HNF1B: variants seen among roughly 807,000 people sequenced by gnomAD.
The protein encoded by HNF1B is HNF1 homeobox B.
In HNF1B, 8 loss-of-function variants were observed where a neutral mutation model predicts 61.7. The observed-to-expected ratio is 0.13, with a 90% CI of 0.08 to 0.23. HNF1B has a LOEUF of 0.23. Ranked by LOEUF, HNF1B falls within the 10% of genes least tolerant of loss-of-function variation. HNF1B has a pLI of 1.00. For synonymous variants in HNF1B, 314 were observed against 287.7 expected (o/e 1.09, Z -0.93); for missense variants, 562 against 714.5 (o/e 0.79, Z 2.43).
At chr17:37,742,765 T>C (rs2034034293) in intron 1 of HNF1B, among the ~76,000 whole-genome samples, 1 of 150,958 alleles carries the variant, frequency 6.6e-6, no homozygotes, top group African/African-American at 2.4e-5. Context: ...GGCCTGCGGG[T>C]GTCGGCGACC....
At chr17:37,724,926 G>C (rs939219457) in intron 4 of HNF1B, among the ~76,000 whole-genome samples, 1 of 138,298 alleles carries the variant, frequency 7.2e-6, no homozygotes, top group Admixed American at 7.1e-5. Context: ...GTGTGTGTGT[G>C]TGTGTGTGTG....
chr17:37,710,105 AG>A (rs1273644207), intron 5 of HNF1B, among the ~76,000 whole-genome samples: 1 of 152,182 alleles, frequency 6.6e-6, no homozygotes, highest in Non-Finnish European at 1.5e-5. Context: ...AAGGAGGAAG[AG>A]GGGGCTTGTG....
intron 4 of HNF1B, among the ~76,000 whole-genome samples, chr17:37,711,912 A>G (rs1236387821): frequency 6.6e-6 from 1 of 152,070 alleles, no homozygotes; most frequent in Non-Finnish European, 1.5e-5. Context: ...CTTCCAGAGG[A>G]GACCACAAAG....
chr17:37,728,132 G>A (rs942958194), intron 4 of HNF1B, among the ~76,000 whole-genome samples: 2 of 151,966 alleles, frequency 1.3e-5, no homozygotes, highest in Non-Finnish European at 2.9e-5. Context: ...CTCCGGAGTC[G>A]CTGGGATTAC....
intron 7 of HNF1B, 149 bp from the exon 8 acceptor site, chr17:37,699,343 T>A: frequency 2.8e-6 from 2 of 720,388 alleles, no homozygotes; most frequent in South Asian, 3.1e-5. Flanking sequence ...TAGTTATCCA[T>A]AAGATTCATG....
chr17:37,739,331 G>T, intron 2 of HNF1B, 109 bp downstream of exon 2: 2 of 1,009,488 alleles, frequency 2.0e-6, no homozygotes, highest in Non-Finnish European at 3.2e-6. Context: ...CCTCATATCT[G>T]CCAAGTGCTC....
intron 4 of HNF1B, among the ~76,000 whole-genome samples, chr17:37,727,249 T>C (rs1463406361): frequency 6.6e-6 from 1 of 152,150 alleles, no homozygotes; most frequent in Admixed American, 6.5e-5. Flanking sequence ...ACTCCAGACC[T>C]GCTCAATGGC....
At chr17:37,726,991 G>C (rs891650664) in intron 4 of HNF1B, among the ~76,000 whole-genome samples, 1 of 152,152 alleles carries the variant, frequency 6.6e-6, no homozygotes, top group African/African-American at 2.4e-5. Flanking sequence ...TAGTGGCCAG[G>C]TGAGCTTGCT....
rs114681034 is a variant in HNF1B, at chr17:37,735,564, G to C, written c.545-1743C>G. Among the ~76,000 whole-genome samples, 430 of 152,318 alleles carry C rather than the reference G, an allele frequency of 2.8e-3. 3 individuals are homozygous for C. Among genetic ancestry groups the C allele is most frequent in the African/African-American group, 9.5e-3 (393 of 41,564 alleles). ...CAACAATGCCACTATAGACCTGAGA[G>C]AGTCCCTGTCAAATGTACTAGCAGG... is the stretch of plus-strand genomic sequence containing the variant. On this transcript the variant is annotated intron_variant, in intron 2 of 8. Transcript: ENST00000617811.
chr17:37,694,677 G>A (rs997206161), intron 8 of HNF1B, among the ~76,000 whole-genome samples: 1 of 152,086 alleles, frequency 6.6e-6, no homozygotes, highest in African/African-American at 2.4e-5. Flanking sequence ...TTGGGAACTA[G>A]AGCAAAGGTC....
Position 37,705,005 on chromosome 17 carries a change from C to T in HNF1B, c.1251G>A (p.Thr417=), listed in dbSNP as rs879006831. The T allele has an allele frequency of 6.2e-6, 10 of 1,613,840 alleles. No individual in the cohort carries two copies. Among genetic ancestry groups the T allele is most frequent in the Admixed American group, 3.3e-5 (2 of 59,988 alleles). ...TATGGTGGGAGAGGCTGTGGATATT[C>T]GTCAAGGTGCTGACTGGGGGCAAAC... The part of the protein sequence containing the change: ...GGGLPPVSTL[T]NIHSLSHHNP... Residue 417 remains threonine (T), a synonymous_variant, in exon 6 of 9, where the codon ACG becomes ACA. Coordinates refer to ENST00000617811, the MANE Select transcript of HNF1B (RefSeq NM_000458.4).
chr17:37,734,789 C>CTTT (rs67472247), intron 2 of HNF1B, among the ~76,000 whole-genome samples: 2 of 140,702 alleles, frequency 1.4e-5, no homozygotes, highest in Non-Finnish European at 3.1e-5. Context: ...ATCTTAATAT[C>CTTT]TTTTTTTTTT....
chr17:37,723,301 C>A (rs1168499207), intron 4 of HNF1B, among the ~76,000 whole-genome samples: 2 of 151,552 alleles, frequency 1.3e-5, no homozygotes, highest in Non-Finnish European at 2.9e-5. Context: ...GAGCCGAGAT[C>A]GCGCCACTGC....
At chr17:37,716,852 C>A (rs1489615605) in intron 4 of HNF1B, among the ~76,000 whole-genome samples, 188 of 55,076 alleles carry the variant, frequency 3.4e-3, no homozygotes, top group Middle Eastern at 8.2e-3. Flanking sequence ...ATCTCTCTCT[C>A]TCTCTCTCTC....
At chr17:37,709,648 C>T (rs572295050) in intron 5 of HNF1B, among the ~76,000 whole-genome samples, 4 of 152,214 alleles carry the variant, frequency 2.6e-5, no homozygotes, top group East Asian at 1.9e-4. Flanking sequence ...GCTGTGGTTA[C>T]GGATATAGAA....
intron 8 of HNF1B, among the ~76,000 whole-genome samples, chr17:37,689,634 G>T (rs1380211722): frequency 6.6e-6 from 1 of 152,228 alleles, no homozygotes; most frequent in Admixed American, 6.5e-5. Flanking sequence ...ACGGGGGCCT[G>T]GCCCAGAAGA....
At chr17:37,699,292 T>C (rs2032487350) in intron 7 of HNF1B, 98 bp from the exon 8 acceptor site, 2 of 878,590 alleles carry the variant, frequency 2.3e-6, no homozygotes, top group African/African-American at 1.6e-5. Context: ...TCTCCTCAGG[T>C]AGATAAAAGG....
intron 8 of HNF1B, among the ~76,000 whole-genome samples, chr17:37,698,740 C>T (rs1799539668): frequency 6.6e-6 from 1 of 152,126 alleles, no homozygotes. Flanking sequence ...CTGAGCCCTC[C>T]TTGGAAATAC....
intron 4 of HNF1B, among the ~76,000 whole-genome samples, chr17:37,721,954 G>A (rs930482163): frequency 2.0e-5 from 3 of 152,128 alleles, no homozygotes; most frequent in South Asian, 2.1e-4. Context: ...GGGACTCTAC[G>A]TGAATCTCTT....
Sources: gnomAD v4.1 joint callset for allele counts (sites outside exome capture counted in the v4.1 genomes callset) on GRCh38, gnomAD v4.1.1 for gene constraint, MANE v1.5 for transcripts, NCBI Gene and HGNC (gene_info 2026-07-23, HGNC 2026-07-21) for gene names.